BOD1: variants seen among roughly 807,000 people sequenced by gnomAD.
BOD1 encodes biorientation of chromosomes in cell division 1.
In BOD1, 11 loss-of-function variants were observed where a neutral mutation model predicts 15.7. The ratio of observed to expected loss-of-function variants is 0.70; its 90% CI spans 0.44 to 1.16. The LOEUF (loss-of-function observed/expected upper bound fraction) is 1.16. Ranked by LOEUF, BOD1 falls within the 50% of genes most tolerant of loss-of-function variation. The pLI is 0.00. For synonymous variants in BOD1, 105 were observed against 103.5 expected (o/e 1.01, Z -0.09); for missense variants, 182 against 244.5 (o/e 0.74, Z 1.70).
chr5:173,613,294 A>G (rs1040618127), intron 1 of BOD1, 39 bp from the exon 2 acceptor site: 41 of 1,610,774 alleles, frequency 2.5e-5, no homozygotes, highest in Non-Finnish European at 3.4e-5. Flanking sequence ...CAGAAGTTAT[A>G]TGCACCAAAG....
Position 173,613,216 on chromosome 5 carries a change from C to T in BOD1, c.277G>A (p.Val93Met). ...TCCTGCTTGTCCAGATGTGTTGACA[C>T]AAAATTATCCACTTTCTGCCTCAGG... is the stretch of plus-strand genomic sequence containing the variant. ...QNLRQKVDNF[V>M]STHLDKQEWN... Residue 93 changes from valine (V) to methionine (M), a missense_variant, in exon 2 of 4, where the codon GTG (valine) becomes ATG (methionine). Coordinates refer to ENST00000311086, the MANE Select transcript of BOD1 (RefSeq NM_138369.3). 6.2e-7 allele frequency: 1 copy of T among 1,614,134 alleles called. No individual in the cohort carries two copies. Among genetic ancestry groups the T allele is most frequent in the Non-Finnish European group, 8.5e-7 (1 of 1,179,992 alleles).
At chr5:173,608,788 A>C (rs1755271660) in intron 3 of BOD1, among the ~76,000 whole-genome samples, 1 of 152,174 alleles carries the variant, frequency 6.6e-6, no homozygotes, top group African/African-American at 2.4e-5. Context: ...TGGTAAACAA[A>C]CTCCTTCTAA....
rs116105526 is a variant in BOD1, at chr5:173,610,271, C to A, written c.363-837G>T. 1.9e-3 allele frequency among the ~76,000 whole-genome samples: 297 copies of A among 152,310 alleles called. 2 individuals carry two copies. The highest frequency in any genetic ancestry group is 6.7e-3 in the African/African-American group (279 of 41,556). On this transcript the variant is annotated intron_variant, in intron 2 of 3. Coordinates refer to ENST00000311086, the MANE Select transcript of BOD1 (RefSeq NM_138369.3). ...CATGTGGGCAGGTTTTACTTATTTT[C>A]CCGTAGACTTGAGACTTCAGAGGCC...
At position 173,616,499 on chromosome 5, in the gene BOD1, G is replaced by A; in HGVS notation, c.-63C>T. On this transcript the variant is annotated 5_prime_UTR_variant, in exon 1 of 4. Coordinates refer to ENST00000311086, the MANE Select transcript of BOD1 (RefSeq NM_138369.3). ...CTTCTTCTCCAGGACAGAAGGCCTA[G>A]AACGTGTAGAGGTGGTGAAGGGGGC... The A allele has an allele frequency of 6.5e-7, 1 of 1,534,892 alleles. No homozygotes were observed. The highest frequency in any genetic ancestry group is 8.7e-7 in the Non-Finnish European group (1 of 1,151,804).
chr5:173,616,065 C>G (rs2113345117), intron 1 of BOD1, 135 bp downstream of exon 1: 1 of 1,127,216 alleles, frequency 8.9e-7, no homozygotes, highest in East Asian at 2.7e-5. Flanking sequence ...CCGTACTGCC[C>G]CAAGCGGTGT....
chr5:173,608,181 A>C lies in BOD1; in HGVS notation c.*113T>G. On this transcript the variant is annotated 3_prime_UTR_variant, in exon 4 of 4. Coordinates refer to ENST00000311086, the MANE Select transcript of BOD1 (RefSeq NM_138369.3). ...GGTCACTGCCCATGGTCAAGGTTGAAATCTTGAGATCAGTGACGACCTTGG... is the reference window on the plus strand; with the variant it reads ...GGTCACTGCCCATGGTCAAGGTTGACATCTTGAGATCAGTGACGACCTTGG... The C allele has an allele frequency of 7.6e-7, 1 of 1,316,524 alleles. No individual in the cohort carries two copies. Among genetic ancestry groups the C allele is most frequent in the East Asian group, 2.3e-5 (1 of 43,072 alleles). 81.6% of individuals were successfully genotyped at this position (1,316,524 alleles called of 1,614,324 possible). A position where few individuals can be genotyped will look rare whatever the true frequency, so the allele number is the denominator to read the frequency against.
Position 173,613,559 on chromosome 5 carries a change from C to G in BOD1, c.238-304G>C, listed in dbSNP as rs769719374. ...GGACCCACACCTGGGCAGCCTGCAGCCAAGCCACCAGCTGAAGCCTTCCTA... is the reference window on the plus strand; with the variant it reads ...GGACCCACACCTGGGCAGCCTGCAGGCAAGCCACCAGCTGAAGCCTTCCTA... On this transcript the variant is annotated intron_variant, in intron 1 of 3. Coordinates refer to ENST00000311086, the MANE Select transcript of BOD1 (RefSeq NM_138369.3). 1.2e-4 allele frequency among the ~76,000 whole-genome samples: 19 copies of G among 152,352 alleles called. 1 individual carries two copies. Among genetic ancestry groups the G allele is most frequent in the Middle Eastern group, 3.4e-3 (1 of 294 alleles).
rs1016262292 is a variant in BOD1, at chr5:173,609,659, C to T, written c.363-225G>A. On this transcript the variant is annotated intron_variant, in intron 2 of 3. Coordinates refer to ENST00000311086, the MANE Select transcript of BOD1 (RefSeq NM_138369.3). ...TATTCCTACTGCACAATCTCACCCACAATCACCCAACCTTGTACAAAAGAA... is the reference window on the plus strand; with the variant it reads ...TATTCCTACTGCACAATCTCACCCATAATCACCCAACCTTGTACAAAAGAA... 5.8e-6 allele frequency: 3 copies of T among 516,338 alleles called. No homozygotes were observed. The East Asian group carries it at 9.3e-5, about 16-fold the overall frequency. The allele number at this position is 516,338 out of a possible 1,614,324, so 32.0% of individuals were successfully genotyped here.
rs370823142 is a variant in BOD1, at chr5:173,613,682, G to T, written c.238-427C>A. Among the ~76,000 whole-genome samples the T allele has an allele frequency of 5.3e-5, 8 of 152,268 alleles. No individual in the cohort carries two copies. In the East Asian group the frequency reaches 1.2e-3, roughly 22 times the overall value. On this transcript the variant is annotated intron_variant, in intron 1 of 3. Transcript: ENST00000311086. The stretch of plus-strand genomic sequence containing the variant: ...TCAGTTTGCTATGCAGCATTACTGC[G>T]GCAAAGTTTGCTAACAGTCAGGGAA...
chr5:173,616,622 G>A lies in BOD1; in HGVS notation c.-186C>T. ...GGCGGCGAAGGCCCCCTCTGATACA[G>A]CAGAGGTTGTGGTGGACGCGGCAGA... On this transcript the variant is annotated 5_prime_UTR_variant, in exon 1 of 4. Coordinates refer to ENST00000311086, the MANE Select transcript of BOD1 (RefSeq NM_138369.3). The A allele has an allele frequency of 1.5e-6, 2 of 1,331,748 alleles. No individual in the cohort carries two copies. Among genetic ancestry groups the A allele is most frequent in the African/African-American group, 1.5e-5 (1 of 64,610 alleles). The allele number at this position is 1,331,748 out of a possible 1,614,324, so 82.5% of individuals were successfully genotyped here. A position where few individuals can be genotyped will look rare whatever the true frequency, so the allele number is the denominator to read the frequency against.
Position 173,616,197 on chromosome 5 carries a change from T to C in BOD1, c.237+3A>G. 4.4e-6 allele frequency: 7 copies of C among 1,576,944 alleles called. No homozygotes were observed. Among genetic ancestry groups the C allele is most frequent in the Non-Finnish European group, 5.2e-6 (6 of 1,162,154 alleles). ...TCCCCAACGCCCAGGCGGCCGCAGCTACCTTGGTGTCCACGTCGGCCAGGC... is the reference window on the plus strand; with the variant it reads ...TCCCCAACGCCCAGGCGGCCGCAGCCACCTTGGTGTCCACGTCGGCCAGGC... On this transcript the variant is annotated splice_donor_region_variant and intron_variant, in intron 1 of 3. Coordinates refer to ENST00000311086, the MANE Select transcript of BOD1 (RefSeq NM_138369.3).
At position 173,609,445 on chromosome 5, in the gene BOD1, C is replaced by A; in HGVS notation, c.363-11G>T. On this transcript the variant is annotated splice_polypyrimidine_tract_variant and intron_variant, in intron 2 of 3. Transcript: ENST00000311086. The stretch of plus-strand genomic sequence containing the variant: ...TCCAACATCCCTGACCTTGTGGAGA[C>A]AAACAGATCATTCTGTTATTTAGTT... 8.2e-7 allele frequency: 1 copy of A among 1,213,964 alleles called. No homozygotes were observed. The highest frequency in any genetic ancestry group is 1.1e-6 in the Non-Finnish European group (1 of 890,134). 75.2% of individuals were successfully genotyped at this position (1,213,964 alleles called of 1,614,324 possible).
At chr5:173,613,346 G>C in intron 1 of BOD1, 91 bp from the exon 2 acceptor site, 1 of 1,454,884 alleles carries the variant, frequency 6.9e-7, no homozygotes, top group Non-Finnish European at 9.6e-7. Flanking sequence ...TCACAGAAAC[G>C]TTATTAAGTC....
At chr5:173,611,372 G>A in intron 2 of BOD1, among the ~76,000 whole-genome samples, 1 of 152,234 alleles carries the variant, frequency 6.6e-6, no homozygotes, top group Non-Finnish European at 1.5e-5. Flanking sequence ...TCCACCTGGG[G>A]AGAGCACCTG....
At chr5:173,609,159 G>A (rs180715643) in intron 3 of BOD1, 79 bp downstream of exon 3, 5 of 1,374,730 alleles carry the variant, frequency 3.6e-6, no homozygotes, top group Admixed American at 2.4e-5. Flanking sequence ...CCTCAATTAC[G>A]GCCTACCCCA....
chr5:173,610,614 G>T (rs1165874818), intron 2 of BOD1, among the ~76,000 whole-genome samples: 1 of 152,160 alleles, frequency 6.6e-6, no homozygotes, highest in Non-Finnish European at 1.5e-5. Context: ...ATCCGGCTAT[G>T]GGATGCTAAC....
At chr5:173,613,109 G>A in intron 2 of BOD1, 22 bp downstream of exon 2, 5 of 1,476,258 alleles carry the variant, frequency 3.4e-6, no homozygotes, top group Non-Finnish European at 4.5e-6. Flanking sequence ...CTTTTCAAAA[G>A]CTTTAAATTC....
rs1368564792 is a variant in BOD1, at chr5:173,616,229, G to A, written c.208C>T (p.Arg70Trp). ...GTGTCCACGTCGGCCAGGCAGTCCC[G>A]GCGGAAGCTGTCAAAAAGGCCCCGG... Reference protein sequence around the residue: ...KSRGLFDSFRRDCLADVDTKP... With the variant: ...KSRGLFDSFRWDCLADVDTKP... Residue 70 changes from arginine (R) to tryptophan (W), a missense_variant, in exon 1 of 4, where the codon CGG becomes TGG. Transcript: ENST00000311086. 6.3e-7 allele frequency: 1 copy of A among 1,575,840 alleles called. No homozygotes were observed. Among genetic ancestry groups the A allele is most frequent in the Non-Finnish European group, 8.6e-7 (1 of 1,161,662 alleles).
At chr5:173,612,984 T>C (rs1333048818) in intron 2 of BOD1, 147 bp downstream of exon 2, 1 of 1,117,500 alleles carries the variant, frequency 8.9e-7, no homozygotes, top group African/African-American at 1.6e-5. Context: ...TTAACCTTAA[T>C]TATAACAAAA....
Sources: allele counts gnomAD v4.1 joint callset (sites outside exome capture counted in the v4.1 genomes callset), GRCh38; gene constraint gnomAD v4.1.1; transcripts MANE v1.5; gene names NCBI Gene and HGNC (gene_info 2026-07-23, HGNC 2026-07-21).